The following PLCB1 variants were observed in gnomAD, a reference collection of about 807,000 sequenced individuals.
PLCB1 encodes the protein phospholipase C beta 1.
In PLCB1, 46 loss-of-function variants were observed where a neutral mutation model predicts 161.8. The ratio of observed to expected loss-of-function variants is 0.28; its 90% CI spans 0.22 to 0.36. The LOEUF is 0.36. PLCB1 is among the 10% of genes least tolerant of loss of function. PLCB1 has a pLI of 1.00. For missense variants in PLCB1, 1,016 were observed against 1,472.5 expected, an observed-to-expected ratio of 0.69 and a Z score of 5.07; for synonymous variants, 517 against 503.7, an observed-to-expected ratio of 1.03 and a Z score of -0.35.
intron 3 of PLCB1, among the ~76,000 whole-genome samples, chr20:8,508,313 T>A (rs1217606267): frequency 1.3e-5 from 2 of 152,216 alleles, no homozygotes; most frequent in Non-Finnish European, 2.9e-5. Context: ...GCTGCGTCCA[T>A]CCCAGTTTTG....
At chr20:8,373,107 CTG>C (rs1986955932) in intron 3 of PLCB1, among the ~76,000 whole-genome samples, 1 of 152,176 alleles carries the variant, frequency 6.6e-6, no homozygotes, top group Non-Finnish European at 1.5e-5. Context: ...TGATAAACCA[CTG>C]TTAGATCCTC....
intron 9 of PLCB1, among the ~76,000 whole-genome samples, chr20:8,662,552 T>A (rs539956950): frequency 6.9e-6 from 1 of 144,932 alleles, no homozygotes; most frequent in Admixed American, 7.1e-5. Context: ...TAATTATTTA[T>A]CATATAATTA....
chr20:8,459,242 G>A (rs1451279528), intron 3 of PLCB1, among the ~76,000 whole-genome samples: 1 of 152,188 alleles, frequency 6.6e-6, no homozygotes, highest in Non-Finnish European at 1.5e-5. Context: ...TTAGACATTT[G>A]CATAGTAATT....
At chr20:8,847,284 T>C (rs1986723203) in intron 31 of PLCB1, among the ~76,000 whole-genome samples, 1 of 152,170 alleles carries the variant, frequency 6.6e-6, no homozygotes, top group African/African-American at 2.4e-5. Flanking sequence ...CACCTTGTCT[T>C]TCTACTTCCC....
chr20:8,761,995 G>T (rs1982064002), intron 25 of PLCB1, among the ~76,000 whole-genome samples: 1 of 148,714 alleles, frequency 6.7e-6, no homozygotes, highest in Non-Finnish European at 1.5e-5. Context: ...CGGATCACCT[G>T]AGGTCGGGAG....
At chr20:8,876,054 G>A (rs377116671) in intron 31 of PLCB1, among the ~76,000 whole-genome samples, 5 of 152,090 alleles carry the variant, frequency 3.3e-5, no homozygotes, top group East Asian at 1.9e-4. Context: ...GAACTTGACC[G>A]TATTGCCTTT....
chr20:8,502,581 T>A (rs934108284), intron 3 of PLCB1, among the ~76,000 whole-genome samples: 1 of 152,200 alleles, frequency 6.6e-6, no homozygotes, highest in Non-Finnish European at 1.5e-5. Flanking sequence ...CTAGTTATTC[T>A]TTGAACAACT....
chr20:8,627,107 T>C (rs898923153), intron 3 of PLCB1, among the ~76,000 whole-genome samples: 1 of 151,330 alleles, frequency 6.6e-6, no homozygotes, highest in African/African-American at 2.4e-5. Flanking sequence ...AGATTTCAGT[T>C]ATATTAGGCA....
intron 2 of PLCB1, among the ~76,000 whole-genome samples, chr20:8,156,402 T>G (rs544914410): frequency 6.6e-6 from 1 of 152,316 alleles, no homozygotes; most frequent in East Asian, 1.9e-4. Context: ...CACTCCTGAT[T>G]GTGTTCTAAA....
intron 1 of PLCB1, among the ~76,000 whole-genome samples, chr20:8,147,683 A>G (rs2051467253): frequency 6.6e-6 from 1 of 152,170 alleles, no homozygotes; most frequent in South Asian, 2.1e-4. Context: ...GTGATTATGA[A>G]GGAAGCGGGC....
At position 8,852,423 on chromosome 20, in the gene PLCB1, T is replaced by C. The variant is rs528003541; in HGVS notation, c.3424-29199T>C. ...CTACTCTGAGTTACCTTATTCCTGA[T>C]ATTCCAGGACTGACATCAGGGCCTC... is the stretch of plus-strand genomic sequence containing the variant. On this transcript the variant is annotated intron_variant, in intron 31 of 31. Coordinates refer to ENST00000338037, the MANE Select transcript of PLCB1 (RefSeq NM_015192.4). Among the ~76,000 whole-genome samples, 224 of 152,312 alleles carry C rather than the reference T, an allele frequency of 1.5e-3. 1 individual carries two copies. Among genetic ancestry groups the C allele is most frequent in the African/African-American group, 5.1e-3 (212 of 41,564 alleles).
intron 4 of PLCB1, among the ~76,000 whole-genome samples, chr20:8,639,612 G>A (rs1988875618): frequency 6.6e-6 from 1 of 152,240 alleles, no homozygotes; most frequent in Non-Finnish European, 1.5e-5. Flanking sequence ...TGTGGCACAT[G>A]TTGGTCACCC....
chr20:8,221,499 T>C (rs953899157), intron 2 of PLCB1, among the ~76,000 whole-genome samples: 2 of 152,172 alleles, frequency 1.3e-5, no homozygotes, highest in African/African-American at 4.8e-5. Context: ...ATTCTATATG[T>C]TTCACAATAA....
chr20:8,203,514 A>G (rs1978357040), intron 2 of PLCB1, among the ~76,000 whole-genome samples: 1 of 152,042 alleles, frequency 6.6e-6, no homozygotes, highest in Admixed American at 6.6e-5. Context: ...CCTAAGGAAA[A>G]TGAGTTTGGG....
At chr20:8,638,014 G>C (rs1015598095) in intron 4 of PLCB1, among the ~76,000 whole-genome samples, 5 of 152,200 alleles carry the variant, frequency 3.3e-5, no homozygotes, top group Non-Finnish European at 7.3e-5. Flanking sequence ...TCCTGCCTCA[G>C]CCTCCCGAGT....
At chr20:8,591,582 G>A (rs919407297) in intron 3 of PLCB1, among the ~76,000 whole-genome samples, 1 of 152,142 alleles carries the variant, frequency 6.6e-6, no homozygotes, top group Non-Finnish European at 1.5e-5. Flanking sequence ...CTGTGGGTAC[G>A]GAGCAAAGGT....
chr20:8,619,350 C>T (rs146572138), intron 3 of PLCB1, among the ~76,000 whole-genome samples: 1,936 of 151,198 alleles, frequency 0.013, 27 homozygotes, highest in East Asian at 0.045. Context: ...ATCCGGGAGG[C>T]GGAGGTTGCA....
chr20:8,767,315 T>C (rs1418043129), intron 26 of PLCB1, among the ~76,000 whole-genome samples: 2 of 152,154 alleles, frequency 1.3e-5, no homozygotes, highest in Non-Finnish European at 2.9e-5. Flanking sequence ...CCACAGACTT[T>C]CCACTGATGG....
intron 10 of PLCB1, among the ~76,000 whole-genome samples, chr20:8,691,731 T>C (rs1400846871): frequency 1.3e-5 from 2 of 152,200 alleles, no homozygotes; most frequent in Non-Finnish European, 1.5e-5. Flanking sequence ...TGTCTATTTC[T>C]CTGCTCATTA....
Sources: gnomAD v4.1 joint callset for allele counts (sites outside exome capture counted in the v4.1 genomes callset) on GRCh38, gnomAD v4.1.1 for gene constraint, MANE v1.5 for transcripts, NCBI Gene and HGNC (gene_info 2026-07-23, HGNC 2026-07-21) for gene names.